Variants in RBFOX1 observed in about 807,000 individuals in gnomAD.
RBFOX1 encodes RNA binding protein fox-1 homolog 1.
In RBFOX1, 8 loss-of-function variants were observed where a neutral mutation model predicts 57.7. The observed-to-expected ratio is 0.14, with a 90% CI of 0.08 to 0.25. RBFOX1 has a LOEUF of 0.25. Ranked by LOEUF, RBFOX1 falls within the 10% of genes least tolerant of loss-of-function variation. The pLI is 1.00. For synonymous variants in RBFOX1, 326 were observed against 222.4 expected (o/e 1.47, Z -4.15); for missense variants, 611 against 548.5 (o/e 1.11, Z -1.14).
At chr16:6,119,854 T>G (rs766892094) in intron 1 of RBFOX1, among the ~76,000 whole-genome samples, 1 of 152,224 alleles carries the variant, frequency 6.6e-6, no homozygotes, top group Non-Finnish European at 1.5e-5. Flanking sequence ...TTCGTAATGT[T>G]ATGCAACCGC....
chr16:7,238,342 T>C (rs537531208), intron 4 of RBFOX1, among the ~76,000 whole-genome samples: 1 of 147,950 alleles, frequency 6.8e-6, no homozygotes, highest in Non-Finnish European at 1.5e-5. Context: ...AAAAAATAAA[T>C]AAATAAAATA....
chr16:5,262,048 T>C (rs1044979961), intron 1 of RBFOX1, among the ~76,000 whole-genome samples: 2 of 152,166 alleles, frequency 1.3e-5, no homozygotes, highest in East Asian at 3.8e-4. Flanking sequence ...TTGTAATAAA[T>C]ACAGTAAAAG....
chr16:5,410,064 A>AAAT (rs1567466878), intron 1 of RBFOX1, among the ~76,000 whole-genome samples: 3 of 148,434 alleles, frequency 2.0e-5, no homozygotes, highest in African/African-American at 5.0e-5. Context: ...AAAAAAAAAA[A>AAAT]AATAATAATC....
chr16:6,431,211 G>A (rs986484788), intron 2 of RBFOX1, among the ~76,000 whole-genome samples: 6 of 151,964 alleles, frequency 3.9e-5, no homozygotes, highest in African/African-American at 1.4e-4. Context: ...TAAGTTAGGG[G>A]TAATGGGTTT....
At chr16:7,234,212 G>C (rs1444006908) in intron 4 of RBFOX1, among the ~76,000 whole-genome samples, 1 of 152,032 alleles carries the variant, frequency 6.6e-6, no homozygotes, top group Non-Finnish European at 1.5e-5. Flanking sequence ...GGACAGTGAG[G>C]GCTCACATGC....
At chr16:5,477,669 TG>T (rs2069378700) in intron 2 of RBFOX1, among the ~76,000 whole-genome samples, 3 of 152,182 alleles carry the variant, frequency 2.0e-5, no homozygotes, top group African/African-American at 7.2e-5. Context: ...TCTTCCTATC[TG>T]GGGGCTGGGG....
intron 3 of RBFOX1, among the ~76,000 whole-genome samples, chr16:6,994,358 G>A (rs147045896): frequency 1.3e-5 from 2 of 152,272 alleles, no homozygotes; most frequent in East Asian, 1.9e-4. Context: ...AGTCCCAGGT[G>A]TTGATAACAA....
chr16:7,538,694 T>A (rs777255827), intron 5 of RBFOX1, among the ~76,000 whole-genome samples: 46 of 152,190 alleles, frequency 3.0e-4, no homozygotes, highest in Non-Finnish European at 5.7e-4. Context: ...AACATTTTAT[T>A]TACTTACAAT....
intron 2 of RBFOX1, among the ~76,000 whole-genome samples, chr16:6,653,382 C>T (rs888589624): frequency 1.5e-4 from 23 of 152,140 alleles, no homozygotes; most frequent in African/African-American, 5.6e-4. Context: ...ATTGTTGAGT[C>T]CTCCATGCCT....
At chr16:6,851,037 A>G (rs189814610) in intron 3 of RBFOX1, among the ~76,000 whole-genome samples, 8 of 152,324 alleles carry the variant, frequency 5.3e-5, no homozygotes, top group African/African-American at 1.9e-4. Context: ...ACTATGTAGC[A>G]ATAAAAAAGA....
At chr16:5,498,116 TA>T (rs548104813) in intron 2 of RBFOX1, among the ~76,000 whole-genome samples, 35 of 152,186 alleles carry the variant, frequency 2.3e-4, no homozygotes, top group African/African-American at 8.2e-4. Context: ...AAGGTCTTAG[TA>T]AGGGGATTGC....
intron 2 of RBFOX1, among the ~76,000 whole-genome samples, chr16:6,621,950 C>A (rs916623559): frequency 6.6e-6 from 1 of 152,106 alleles, no homozygotes; most frequent in African/African-American, 2.4e-5. Context: ...TGGAAGAAGT[C>A]GTTACACAAA....
chr16:7,426,449 C>G (rs1197144262), intron 4 of RBFOX1, among the ~76,000 whole-genome samples: 4 of 152,148 alleles, frequency 2.6e-5, no homozygotes, highest in Non-Finnish European at 4.4e-5. Flanking sequence ...TAGCCCAGCT[C>G]TTAGCTAATG....
chr16:5,456,507 T>C (rs1402269997), intron 1 of RBFOX1, among the ~76,000 whole-genome samples: 1 of 152,224 alleles, frequency 6.6e-6, no homozygotes, highest in Non-Finnish European at 1.5e-5. Flanking sequence ...ATGATAGCAA[T>C]GATGTTTCTG....
At chr16:6,931,619 C>T (rs965299474) in intron 3 of RBFOX1, among the ~76,000 whole-genome samples, 2 of 152,248 alleles carry the variant, frequency 1.3e-5, no homozygotes. Flanking sequence ...CACCACAATG[C>T]TTTGTCTTTG....
chr16:7,106,896 A>G (rs1036335168), intron 4 of RBFOX1, among the ~76,000 whole-genome samples: 6 of 152,022 alleles, frequency 3.9e-5, no homozygotes, highest in African/African-American at 9.7e-5. Context: ...ACCAGACACT[A>G]TTCTTGGCAG....
chr16:7,611,889 A>G (rs530993437), intron 10 of RBFOX1, among the ~76,000 whole-genome samples: 2 of 152,306 alleles, frequency 1.3e-5, no homozygotes, highest in South Asian at 2.1e-4. Context: ...GAGCAGATAC[A>G]CATACATCAG....
intron 2 of RBFOX1, among the ~76,000 whole-genome samples, chr16:6,565,009 C>T (rs1343168239): frequency 6.6e-6 from 1 of 151,026 alleles, no homozygotes; most frequent in Non-Finnish European, 1.5e-5. Context: ...GATGTGCTGG[C>T]ATGCACTTGT....
At chr16:5,371,802 C>T (rs1254847406) in intron 1 of RBFOX1, among the ~76,000 whole-genome samples, 2 of 152,204 alleles carry the variant, frequency 1.3e-5, no homozygotes, top group Admixed American at 6.5e-5. Flanking sequence ...CCCTGGGCTG[C>T]AGATACCCAT....
Sources: gnomAD v4.1 joint callset for allele counts (sites outside exome capture counted in the v4.1 genomes callset) on GRCh38, gnomAD v4.1.1 for gene constraint, MANE v1.5 for transcripts, NCBI Gene and HGNC (gene_info 2026-07-23, HGNC 2026-07-21) for gene names.